LRRC4C: variants seen among roughly 807,000 people sequenced by gnomAD.
LRRC4C encodes the protein leucine-rich repeat-containing protein 4C.
LRRC4C carries 5 observed loss-of-function variants against 33.6 expected under a neutral mutation model. The observed-to-expected ratio is 0.15, with a 90% CI of 0.08 to 0.31. The LOEUF is 0.31. Ranked by LOEUF, LRRC4C falls within the 10% of genes least tolerant of loss-of-function variation. The pLI is 1.00. For missense variants in LRRC4C, 560 were observed against 796.7 expected, an observed-to-expected ratio of 0.70 and a Z score of 3.58; for synonymous variants, 329 against 302.0, an observed-to-expected ratio of 1.09 and a Z score of -0.93.
At chr11:40,962,211 A>G (rs373720327) in intron 1 of LRRC4C, among the ~76,000 whole-genome samples, 2 of 151,612 alleles carry the variant, frequency 1.3e-5, no homozygotes, top group Non-Finnish European at 3.0e-5. Context: ...AAAAGGGGCT[A>G]TGCTGTGAGC....
chr11:40,436,972 C>T (rs1023369660), intron 3 of LRRC4C, among the ~76,000 whole-genome samples: 24 of 152,090 alleles, frequency 1.6e-4, no homozygotes, highest in African/African-American at 5.6e-4. Flanking sequence ...AGTTCGAGCT[C>T]GGGGGAGGAT....
chr11:40,722,758 T>C (rs1483052349), intron 2 of LRRC4C, among the ~76,000 whole-genome samples: 2 of 152,114 alleles, frequency 1.3e-5, no homozygotes, highest in Non-Finnish European at 2.9e-5. Context: ...CCTAACCAGA[T>C]GGAAATGTCT....
At chr11:40,190,580 A>C (rs1337046180) in intron 5 of LRRC4C, among the ~76,000 whole-genome samples, 1 of 152,208 alleles carries the variant, frequency 6.6e-6, no homozygotes, top group African/African-American at 2.4e-5. Flanking sequence ...ATCAATTAGA[A>C]CATGAACTCG....
chr11:40,858,743 GAC>G (rs1953931169), intron 2 of LRRC4C, among the ~76,000 whole-genome samples: 1 of 122,522 alleles, frequency 8.2e-6, no homozygotes, highest in Non-Finnish European at 1.7e-5. Flanking sequence ...TAGTCCCAAA[GAC>G]ATTGGGACTA....
intron 2 of LRRC4C, among the ~76,000 whole-genome samples, chr11:40,738,458 C>T (rs962062772): frequency 6.6e-6 from 1 of 152,086 alleles, no homozygotes; most frequent in Admixed American, 6.6e-5. Context: ...CTAGAGGACT[C>T]TGACTAATAC....
chr11:40,550,302 G>T (rs1957082923), intron 3 of LRRC4C, among the ~76,000 whole-genome samples: 1 of 151,820 alleles, frequency 6.6e-6, no homozygotes, highest in Admixed American at 6.6e-5. Context: ...CCTTTGATTT[G>T]GAGGTTTACC....
At chr11:40,845,732 T>A (rs1953127659) in intron 2 of LRRC4C, among the ~76,000 whole-genome samples, 1 of 152,152 alleles carries the variant, frequency 6.6e-6, no homozygotes, top group Non-Finnish European at 1.5e-5. Context: ...TATTTCTGGT[T>A]CTAGATACTT....
At chr11:41,208,550 G>A (rs1003051341) in intron 1 of LRRC4C, among the ~76,000 whole-genome samples, 1 of 152,132 alleles carries the variant, frequency 6.6e-6, no homozygotes, top group African/African-American at 2.4e-5. Flanking sequence ...AAATAGCAAT[G>A]GGATTATACC....
At chr11:40,363,591 G>A (rs1245419273) in intron 3 of LRRC4C, among the ~76,000 whole-genome samples, 1 of 152,034 alleles carries the variant, frequency 6.6e-6, no homozygotes, top group African/African-American at 2.4e-5. Context: ...CTGTTTCAAG[G>A]ACTTTAAAAG....
At chr11:41,184,997 G>A (rs1945627089) in intron 1 of LRRC4C, among the ~76,000 whole-genome samples, 1 of 151,974 alleles carries the variant, frequency 6.6e-6, no homozygotes, top group Non-Finnish European at 1.5e-5. Context: ...ACCAGATCTT[G>A]TGAGACTTAT....
rs534514292 is a variant in LRRC4C, at chr11:41,411,210, G to A, written c.-496+48221C>T. 4.7e-4 allele frequency among the ~76,000 whole-genome samples: 61 copies of A among 130,548 alleles called. 1 individual carries two copies. The highest frequency in any genetic ancestry group is 8.2e-4 in the Non-Finnish European group (53 of 64,464). 85.6% of individuals were successfully genotyped at this position (130,548 alleles called of 152,430 possible). On this transcript the variant is annotated intron_variant, in intron 1 of 6. Transcript: ENST00000528697. ...GTCGCCCAGGCTGGAGTGCAGTGGC[G>A]CCATCTCGGCTCATTGCAAGCTCTG... is the stretch of plus-strand genomic sequence containing the variant.
At chr11:40,473,196 A>C (rs1565424027) in intron 3 of LRRC4C, among the ~76,000 whole-genome samples, 5 of 152,206 alleles carry the variant, frequency 3.3e-5, no homozygotes, top group East Asian at 3.8e-4. Flanking sequence ...TCAATGCAAA[A>C]ACCTCAATAA....
At chr11:41,242,117 T>C (rs372086837) in intron 1 of LRRC4C, among the ~76,000 whole-genome samples, 243 of 152,292 alleles carry the variant, frequency 1.6e-3, no homozygotes, top group African/African-American at 5.7e-3. Context: ...TTGCCTTTTT[T>C]GCAAGCCATT....
In LRRC4C at chr11:40,441,630, G is replaced by A. The variant is rs572512868; in HGVS notation, c.-269-121909C>T. On this transcript the variant is annotated intron_variant, in intron 3 of 6. Transcript: ENST00000528697. ...AGAGCACCATGTTAGAATGGAACAT[G>A]AAATAAATCTGGAGTCAGAATACCT... is the stretch of plus-strand genomic sequence containing the variant. Among the ~76,000 whole-genome samples, 215 of 152,302 alleles carry A rather than the reference G, an allele frequency of 1.4e-3. 1 individual carries two copies. The highest frequency in any genetic ancestry group is 2.7e-3 in the Non-Finnish European group (187 of 68,012).
chr11:40,190,902 C>T (rs926968238), intron 5 of LRRC4C, among the ~76,000 whole-genome samples: 2 of 152,084 alleles, frequency 1.3e-5, no homozygotes, highest in Non-Finnish European at 2.9e-5. Context: ...CTTCAATTTC[C>T]CTGAGGGGAA....
At chr11:41,447,266 C>CAT (rs1483300636) in intron 1 of LRRC4C, among the ~76,000 whole-genome samples, 1 of 152,136 alleles carries the variant, frequency 6.6e-6, no homozygotes, top group African/African-American at 2.4e-5. Flanking sequence ...ATATTACCTG[C>CAT]ATATGTTTAT....
chr11:41,351,284 A>G (rs1951975253), intron 1 of LRRC4C, among the ~76,000 whole-genome samples: 4 of 151,716 alleles, frequency 2.6e-5, no homozygotes, highest in Non-Finnish European at 3.0e-5. Context: ...CATTTTCCAC[A>G]TAGACAAAAA....
At chr11:40,282,421 T>C (rs546859147) in intron 4 of LRRC4C, among the ~76,000 whole-genome samples, 1 of 152,188 alleles carries the variant, frequency 6.6e-6, no homozygotes, top group Non-Finnish European at 1.5e-5. Context: ...TCACGCTTTA[T>C]CATAAGGAAT....
chr11:40,330,234 T>C (rs1165740153), intron 3 of LRRC4C, among the ~76,000 whole-genome samples: 2 of 152,216 alleles, frequency 1.3e-5, no homozygotes, highest in Non-Finnish European at 2.9e-5. Flanking sequence ...GATACCCAGA[T>C]AGCTGGTAAA....
Sources: allele counts gnomAD v4.1 joint callset (sites outside exome capture counted in the v4.1 genomes callset), GRCh38; gene constraint gnomAD v4.1.1; transcripts MANE v1.5; gene names NCBI Gene and HGNC (gene_info 2026-07-23, HGNC 2026-07-21).